The following BBS1 variants were observed in gnomAD, a reference collection of about 807,000 sequenced individuals.
BBS1 encodes Bardet-Biedl syndrome 1.
Under a neutral mutation model 73.9 loss-of-function variants are expected in BBS1, and 60 were observed. That is an observed-to-expected ratio of 0.81 (90% CI 0.66 to 1.01). The LOEUF is 1.01. Among genes scored for constraint, BBS1 ranks in the 50% least tolerant of loss-of-function variants. The probability of loss-of-function intolerance (pLI) is 0.00; values close to 1 mark genes in which losing one functional copy is unlikely to be tolerated. For synonymous variants in BBS1, 283 were observed against 317.4 expected (o/e 0.89, Z 1.15); for missense variants, 718 against 770.3 (o/e 0.93, Z 0.80).
At chr11:66,529,685 G>C (rs1451240548) in intron 13 of BBS1, 134 bp from the exon 14 acceptor site, 3 of 1,154,270 alleles carry the variant, frequency 2.6e-6, no homozygotes, top group Non-Finnish European at 3.8e-6. Context: ...CTCCTCCCCA[G>C]CTCCTGCAGA....
chr11:66,515,423 C>G, intron 4 of BBS1, 117 bp from the exon 5 acceptor site: 1 of 1,096,444 alleles, frequency 9.1e-7, no homozygotes, highest in South Asian at 1.3e-5. Context: ...CAGAGGTAGG[C>G]TGGCAGGGAG....
chr11:66,529,966 T>G lies in BBS1; in HGVS notation c.1473+14T>G. 6.3e-7 allele frequency: 1 copy of G among 1,596,104 alleles called. No homozygotes were observed. Among genetic ancestry groups the G allele is most frequent in the Non-Finnish European group, 8.5e-7 (1 of 1,177,094 alleles). On this transcript the variant is annotated intron_variant, in intron 14 of 16. Transcript: ENST00000318312. ...CTGCACGCCGTGGTGAGCATCTGGG[T>G]GAGGGCAGAGTCAGGGCCAGAGGGG... is the stretch of plus-strand genomic sequence containing the variant.
At position 66,515,750 on chromosome 11, in the gene BBS1, G is replaced by A. The variant is rs1276537863; in HGVS notation, c.518+19G>A. 1 of 1,614,060 alleles carries A rather than the reference G, an allele frequency of 6.2e-7. No homozygotes were observed. Among genetic ancestry groups the A allele is most frequent in the Non-Finnish European group, 8.5e-7 (1 of 1,180,026 alleles). The stretch of plus-strand genomic sequence containing the variant: ...CACTCAGGTAAGGACCCTGTGGAGG[G>A]CCAGGGTTTGGGAGGCTCCAGGGAG... On this transcript the variant is annotated intron_variant, in intron 6 of 16. Coordinates refer to ENST00000318312, the MANE Select transcript of BBS1 (RefSeq NM_024649.5).
chr11:66,529,191 TG>T, intron 13 of BBS1: 2 of 516,094 alleles, frequency 3.9e-6, no homozygotes, highest in Non-Finnish European at 6.4e-6. Context: ...GACAGTGGGG[TG>T]GGGGCGGGGT....
rs374066086 is a variant in BBS1 at position 66,511,099 on chromosome 11, T to G, written c.124+10T>G. 1 of 1,614,168 alleles carries G rather than the reference T, an allele frequency of 6.2e-7. No homozygotes were observed. Among genetic ancestry groups the G allele is most frequent in the South Asian group, 1.1e-5 (1 of 91,080 alleles). Reference sequence around the variant, plus strand: ...TTTTCTGCCTGCCTAGGTGAGTCTCTGGAACCAGGAACCCTGGGTTCTAGT... The same window carrying G: ...TTTTCTGCCTGCCTAGGTGAGTCTCGGGAACCAGGAACCCTGGGTTCTAGT... On this transcript the variant is annotated intron_variant, in intron 2 of 16. Transcript: ENST00000318312.
chr11:66,523,950 G>T (rs371749529), intron 11 of BBS1, 68 bp downstream of exon 11: 1 of 1,597,668 alleles, frequency 6.3e-7, no homozygotes, highest in Non-Finnish European at 8.5e-7. Flanking sequence ...GGGCTTCTTA[G>T]CTGCCTCTTC....
intron 7 of BBS1, among the ~76,000 whole-genome samples, chr11:66,517,616 C>T (rs1368024078): frequency 6.6e-6 from 1 of 151,348 alleles, no homozygotes; most frequent in Non-Finnish European, 1.5e-5. Context: ...TACAGGCGCA[C>T]ACCACCACGC....
At chr11:66,525,979 T>C (rs1042321127) in intron 11 of BBS1, 144 bp from the exon 12 acceptor site, 19 of 721,292 alleles carry the variant, frequency 2.6e-5, no homozygotes, top group South Asian at 4.6e-5. Flanking sequence ...ATGAGAAATA[T>C]AGGAAATATT....
intron 2 of BBS1, 56 bp downstream of exon 2, chr11:66,511,145 G>C: frequency 6.2e-7 from 1 of 1,613,804 alleles, no homozygotes; most frequent in East Asian, 2.2e-5. Flanking sequence ...GTCAGACAAT[G>C]GTCCTGTAGT....
chr11:66,522,215 CA>C (rs1236710595), intron 9 of BBS1, among the ~76,000 whole-genome samples: 30 of 138,330 alleles, frequency 2.2e-4, no homozygotes, highest in African/African-American at 7.8e-4. Flanking sequence ...GACTCTGTCT[CA>C]AAAAAAAAGA....
chr11:66,510,907 A>G lies in BBS1; in HGVS notation c.48-106A>G, dbSNP rs575974933. On this transcript the variant is annotated intron_variant, in intron 1 of 16. Transcript: ENST00000318312. ...AGTGGCGGAGCCTGGACTTGTACCC[A>G]GACGTTCTGTACCTTATGTTCAGAG... The G allele has an allele frequency of 2.1e-6, 3 of 1,431,890 alleles. No individual in the cohort carries two copies. The African/African-American group carries it at 4.2e-5, about 20-fold the overall frequency. The allele number at this position is 1,431,890 out of a possible 1,614,324, so 88.7% of individuals were successfully genotyped here.
intron 13 of BBS1, chr11:66,529,124 T>G: frequency 1.0e-6 from 1 of 964,372 alleles, no homozygotes; most frequent in Non-Finnish European, 1.2e-6. Context: ...ACTTCACACA[T>G]AAACGGAAGA....
At chr11:66,526,960 G>A in intron 13 of BBS1, 153 bp downstream of exon 13, 1 of 1,562,568 alleles carries the variant, frequency 6.4e-7, no homozygotes, top group Non-Finnish European at 8.6e-7. Context: ...GGACAGCCTA[G>A]GAGGTACACG....
intron 13 of BBS1, 143 bp from the exon 14 acceptor site, chr11:66,529,676 T>G: frequency 9.3e-7 from 1 of 1,073,770 alleles, no homozygotes; most frequent in South Asian, 1.3e-5. Flanking sequence ...GCTCTTTCCC[T>G]CCTCCCCAGC....
At chr11:66,521,201 A>T in intron 8 of BBS1, 69 bp from the exon 9 acceptor site, 1 of 1,129,910 alleles carries the variant, frequency 8.9e-7, no homozygotes, top group South Asian at 1.2e-5. Flanking sequence ...CACTCAGAGG[A>T]GTTACTGACA....
At chr11:66,525,253 G>T (rs974984976) in intron 11 of BBS1, among the ~76,000 whole-genome samples, 1 of 150,808 alleles carries the variant, frequency 6.6e-6, no homozygotes, top group Non-Finnish European at 1.5e-5. Context: ...CAGCTACTTG[G>T]GAGGCTGAGG....
intron 13 of BBS1, 64 bp from the exon 14 acceptor site, chr11:66,529,755 C>G: frequency 3.8e-6 from 6 of 1,595,416 alleles, no homozygotes; most frequent in Non-Finnish European, 4.3e-6. Context: ...AGGAGTGCCC[C>G]GTTGCTGCCT....
rs35735110 is a variant in BBS1, at chr11:66,516,122, CTTT to C, written c.591+210_591+212del. ...TCCACATTCCAGTTAGTAGTGACAGCTTTTTTTTTTTTTTTTTTTTTTTGAGAC... is the reference window on the plus strand; with the variant it reads ...TCCACATTCCAGTTAGTAGTGACAGCTTTTTTTTTTTTTTTTTTTTGAGAC... On this transcript the variant is annotated intron_variant, in intron 7 of 16. Coordinates refer to ENST00000318312, the MANE Select transcript of BBS1 (RefSeq NM_024649.5). Among the ~76,000 whole-genome samples, 691 of 99,306 alleles carry C rather than the reference CTTT, an allele frequency of 7.0e-3. 1 individual carries two copies. The highest frequency in any genetic ancestry group is 0.025 in the African/African-American group (641 of 26,036). 65.1% of individuals were successfully genotyped at this position (99,306 alleles called of 152,430 possible).
chr11:66,517,953 T>A (rs1241650278), intron 7 of BBS1, among the ~76,000 whole-genome samples: 2 of 150,528 alleles, frequency 1.3e-5, no homozygotes, highest in African/African-American at 4.9e-5. Context: ...TCACTTTTTT[T>A]TTTCTTTTCT....
Sources: gnomAD v4.1 joint callset for allele counts (sites outside exome capture counted in the v4.1 genomes callset) on GRCh38, gnomAD v4.1.1 for gene constraint, MANE v1.5 for transcripts, NCBI Gene and HGNC (gene_info 2026-07-23, HGNC 2026-07-21) for gene names.